Variants in RP2 observed in about 807,000 individuals in gnomAD.
RP2 encodes RP2 activator of ARL3 GTPase.
RP2 carries 3 observed loss-of-function variants against 20.3 expected under a neutral mutation model. The ratio of observed to expected loss-of-function variants is 0.15; its 90% confidence interval spans 0.07 to 0.38. The LOEUF is 0.38. RP2 is among the 10% of genes least tolerant of loss of function. The probability of loss-of-function intolerance (pLI) is 1.00; values close to 1 mark genes in which losing one functional copy is unlikely to be tolerated. For missense variants in RP2, 233 were observed against 268.5 expected (o/e 0.87, Z 0.92); for synonymous variants, 75 against 94.8 (o/e 0.79, Z 1.22).
intron 1 of RP2, among the ~76,000 whole-genome samples, chrX:46,850,076 G>C (rs185964597): frequency 1.8e-5 from 2 of 112,161 alleles, no homozygotes; most frequent in East Asian, 2.8e-4. Context: ...ACCACAGACT[G>C]GTGGCTTAAA....
At chrX:46,863,343 G>A (rs1309559941) in intron 3 of RP2, among the ~76,000 whole-genome samples, 1 of 112,427 alleles carries the variant, frequency 8.9e-6, no homozygotes, top group Non-Finnish European at 1.9e-5. Context: ...GGGGACAAAT[G>A]TTAACTTTTG....
At chrX:46,844,704 T>C (rs1556315741) in intron 1 of RP2, among the ~76,000 whole-genome samples, 1 of 111,607 alleles carries the variant, frequency 9.0e-6, no homozygotes, top group African/African-American at 3.3e-5. Context: ...AGTAATGGGA[T>C]GGCTGGGTCA....
At position 46,880,673 on chromosome X, in the gene RP2, A is replaced by G. The variant is rs144870840; in HGVS notation, c.*904A>G. 82 of 112,354 alleles carry G rather than the reference A, an allele frequency of 7.3e-4. 2 individuals are homozygous for G. The East Asian group carries it at 0.021, about 29-fold the overall frequency. 9.3% of individuals were successfully genotyped at this position (112,354 alleles called of 1,213,427 possible). On this transcript the variant is annotated 3_prime_UTR_variant, in exon 5 of 5. Coordinates refer to ENST00000218340, the MANE Select transcript of RP2 (RefSeq NM_006915.3). ...TGCAGATTATTAAAAAGCTTGATAC[A>G]TTTGATTTTTCATTAGATATGCCAT...
In RP2 at chrX:46,853,644, A is replaced by T. The variant is rs782395519; in HGVS notation, c.271A>T (p.Ile91Phe). ...VTIDDCTNCIIFLGPVKGSVF... is the reference protein window; with the variant it reads ...VTIDDCTNCIFFLGPVKGSVF... ...CATTGATGACTGTACTAACTGCATA[A>T]TTTTTCTGGGACCCGTGAAAGGCAG... Residue 91 changes from isoleucine (I) to phenylalanine (F), a missense_variant, in exon 2 of 5, where the codon ATT (isoleucine) becomes TTT (phenylalanine). Physicochemically the swap from Ile to Phe is conservative, Grantham distance 21. Coordinates refer to ENST00000218340, the MANE Select transcript of RP2 (RefSeq NM_006915.3). The T allele has an allele frequency of 2.8e-5, 34 of 1,209,712 alleles. No homozygotes were observed. The highest frequency in any genetic ancestry group is 3.7e-5 in the Non-Finnish European group (33 of 895,233).
In RP2 at chrX:46,853,685, T is replaced by C. The variant is rs1569531628; in HGVS notation, c.312T>C (p.Asn104=). The change falls in exon 2 of 5, where the codon AAT becomes AAC. Residue 104 remains asparagine (N), a synonymous_variant. Coordinates refer to ENST00000218340, the MANE Select transcript of RP2 (RefSeq NM_006915.3). The part of the protein sequence containing the change: ...GPVKGSVFFR[N]CRDCKCTLAC... ...TGAAAGGCAGCGTGTTTTTCCGGAA[T>C]TGCAGAGATTGCAAGTGCACATTAG... 8.3e-7 allele frequency: 1 copy of C among 1,211,814 alleles called. No individual in the cohort carries two copies. Among genetic ancestry groups the C allele is most frequent in the South Asian group, 1.8e-5 (1 of 57,001 alleles).
chrX:46,847,664 ATATATC>A (rs1268776692), intron 1 of RP2, among the ~76,000 whole-genome samples: 3 of 101,546 alleles, frequency 3.0e-5, no homozygotes, highest in Admixed American at 1.1e-4. Context: ...CTTTACATAT[ATATATC>A]TATATCGATC....
At chrX:46,877,680 C>T in intron 4 of RP2, 90 bp downstream of exon 4, 2 of 640,751 alleles carry the variant, frequency 3.1e-6, no homozygotes, top group Non-Finnish European at 4.9e-6. Context: ...ACTTTTGTCC[C>T]TAATGTTGCT....
intron 3 of RP2, among the ~76,000 whole-genome samples, chrX:46,863,818 A>C (rs943976330): frequency 9.0e-6 from 1 of 111,494 alleles, no homozygotes; most frequent in Admixed American, 9.6e-5. Flanking sequence ...TTATTTATTT[A>C]TTTCTTTTGA....
At chrX:46,866,032 TC>T (rs1925166522) in intron 3 of RP2, among the ~76,000 whole-genome samples, 1 of 112,171 alleles carries the variant, frequency 8.9e-6, no homozygotes, top group Non-Finnish European at 1.9e-5. Context: ...ATCAAATTGT[TC>T]TGGTTTTAAC....
intron 1 of RP2, among the ~76,000 whole-genome samples, chrX:46,841,833 TATTA>T (rs1361547298): frequency 8.9e-6 from 1 of 112,503 alleles, no homozygotes; most frequent in Non-Finnish European, 1.9e-5. Context: ...GTTCTTTGTT[TATTA>T]ATTTTAAAAA....
intron 4 of RP2, among the ~76,000 whole-genome samples, chrX:46,878,974 C>T (rs1177502860): frequency 9.6e-6 from 1 of 104,564 alleles, no homozygotes; most frequent in Non-Finnish European, 1.9e-5. Flanking sequence ...CCTGTAATCC[C>T]AGCACTTTGG....
intron 2 of RP2, among the ~76,000 whole-genome samples, chrX:46,855,278 T>C (rs1263874067): frequency 1.8e-5 from 2 of 109,183 alleles, no homozygotes; most frequent in African/African-American, 3.3e-5. Context: ...CAGCTTCTGC[T>C]TGAAAAATAA....
intron 3 of RP2, among the ~76,000 whole-genome samples, chrX:46,862,524 G>C (rs1018468362): frequency 1.8e-5 from 2 of 110,497 alleles, no homozygotes; most frequent in African/African-American, 3.3e-5. Flanking sequence ...GCCGGGCGTG[G>C]TGGCGGGCGC....
intron 2 of RP2, among the ~76,000 whole-genome samples, chrX:46,856,881 C>T (rs1476895936): frequency 4.5e-5 from 5 of 112,041 alleles, no homozygotes; most frequent in African/African-American, 1.6e-4. Flanking sequence ...GGTATCAAAA[C>T]ATGCTGAAAG....
chrX:46,862,398 C>T (rs1305943452), intron 3 of RP2, among the ~76,000 whole-genome samples: 8 of 95,142 alleles, frequency 8.4e-5, no homozygotes, highest in African/African-American at 2.0e-4. Context: ...TGGTGGCTCA[C>T]GCCTGTAATC....
At chrX:46,862,466 C>G (rs1286236045) in intron 3 of RP2, among the ~76,000 whole-genome samples, 1 of 110,669 alleles carries the variant, frequency 9.0e-6, no homozygotes, top group Non-Finnish European at 1.9e-5. Context: ...CAAGACCATC[C>G]TGGCTAACAC....
At chrX:46,852,124 C>T (rs1193050519) in intron 1 of RP2, among the ~76,000 whole-genome samples, 1 of 110,622 alleles carries the variant, frequency 9.0e-6, no homozygotes, top group East Asian at 2.9e-4. Context: ...GGAGAATGGC[C>T]TGAACCCAGG....
At chrX:46,873,551 CTG>C (rs1556327153) in intron 3 of RP2, among the ~76,000 whole-genome samples, 3 of 111,391 alleles carry the variant, frequency 2.7e-5, no homozygotes, top group Non-Finnish European at 3.8e-5. Context: ...ATTGTCAACA[CTG>C]TAGTTTTTTT....
chrX:46,839,633 G>A (rs1425777393), intron 1 of RP2, among the ~76,000 whole-genome samples: 3 of 111,596 alleles, frequency 2.7e-5, no homozygotes, highest in African/African-American at 9.8e-5. Flanking sequence ...GTGTGCAAAT[G>A]TTCTGTATTA....
Sources: allele counts gnomAD v4.1 joint callset (sites outside exome capture counted in the v4.1 genomes callset), GRCh38; gene constraint gnomAD v4.1.1; transcripts MANE v1.5; gene names NCBI Gene and HGNC (gene_info 2026-07-23, HGNC 2026-07-21).